IL4I1: variants seen among roughly 807,000 people sequenced by gnomAD.
IL4I1 encodes the protein L-amino-acid oxidase.
IL4I1 carries 24 observed loss-of-function variants against 29.7 expected under a neutral mutation model. The ratio of observed to expected loss-of-function variants is 0.81; its 90% CI spans 0.59 to 1.14. The LOEUF (loss-of-function observed/expected upper bound fraction) is 1.14, where lower values mean the gene tolerates loss of function less well. Ranked by LOEUF, IL4I1 falls within the 50% of genes most tolerant of loss-of-function variation. The pLI, the probability that IL4I1 is intolerant of heterozygous loss-of-function variation, is 0.00. For synonymous variants in IL4I1, 371 were observed against 352.5 expected, an observed-to-expected ratio of 1.05 and a Z score of -0.59; for missense variants, 686 against 785.6, an observed-to-expected ratio of 0.87 and a Z score of 1.52.
intron 2 of IL4I1, among the ~76,000 whole-genome samples, chr19:49,912,272 C>T (rs186358510): frequency 1.4e-4 from 21 of 149,772 alleles, no homozygotes; most frequent in Middle Eastern, 3.4e-3. Flanking sequence ...CGGGTTCAAG[C>T]GATTCTCTCG....
intron 2 of IL4I1, among the ~76,000 whole-genome samples, chr19:49,923,500 G>A (rs1276154088): frequency 4.6e-5 from 7 of 152,272 alleles, no homozygotes; most frequent in East Asian, 3.9e-4. Context: ...ATCTGCACAC[G>A]GCGGATCTGA....
Position 49,891,059 on chromosome 19 carries a change from G to C in IL4I1, c.685C>G (p.Leu229Val). The C allele has an allele frequency of 1.9e-6, 3 of 1,613,424 alleles. No homozygotes were observed. Among genetic ancestry groups the C allele is most frequent in the Non-Finnish European group, 1.7e-6 (2 of 1,179,922 alleles). Residue 229 changes from leucine (L) to valine (V), a missense_variant, in exon 7 of 8, where the codon CTG becomes GTG. Coordinates refer to ENST00000391826, the MANE Select transcript of IL4I1 (RefSeq NM_152899.2). The part of the protein sequence containing the change: ...GNLSRPAVQL[L>V]GDVMSEDGFF... Reference sequence around the variant, plus strand: ...CCATCCTCGGACATCACGTCTCCCAGAAGCTGCACGGCCGGCCGGCTCAGG... The same window carrying C: ...CCATCCTCGGACATCACGTCTCCCACAAGCTGCACGGCCGGCCGGCTCAGG...
chr19:49,916,172 GC>G (rs200707820), intron 2 of IL4I1, among the ~76,000 whole-genome samples: 140 of 152,282 alleles, frequency 9.2e-4, no homozygotes, highest in African/African-American at 3.1e-3. Flanking sequence ...GCTTTCCAGG[GC>G]CAAGTCTTGA....
upstream of IL4I1, among the ~76,000 whole-genome samples, chr19:49,900,132 C>T (rs1054679918): frequency 3.3e-5 from 5 of 152,142 alleles, no homozygotes; most frequent in Admixed American, 6.5e-5. Flanking sequence ...CCACTATGCC[C>T]GGCCCCTTTG....
chr19:49,901,308 T>A (rs1388430595), upstream of IL4I1, among the ~76,000 whole-genome samples: 1 of 152,158 alleles, frequency 6.6e-6, no homozygotes, highest in African/African-American at 2.4e-5. Flanking sequence ...CGCTCGAGCC[T>A]GGGAGGCAGA....
rs758314094 is a variant in IL4I1, at chr19:49,925,961, A to G, written c.-228+1733T>C. Among the ~76,000 whole-genome samples, 3 of 152,208 alleles carry G rather than the reference A, an allele frequency of 2.0e-5. No homozygotes were observed. The South Asian group carries it at 6.2e-4, about 31-fold the overall frequency. The stretch of plus-strand genomic sequence containing the variant: ...TACGGTGGCTCACACCTGTAATCCC[A>G]GCACTTTGGGAGGCTGAGGCAGGCA... On this transcript the variant is annotated intron_variant, in intron 2 of 9. Coordinates refer to the IL4I1 transcript ENST00000341114.
rs755277180 is a variant in IL4I1 at position 49,908,957 on chromosome 19, C to CTGGTGG, written c.-227-4637_-227-4636insCCACCA. On this transcript the variant is annotated intron_variant, in intron 2 of 9. Coordinates refer to the IL4I1 transcript ENST00000341114. ...CAAGGCAAAGCCGGTGGTGCTGCTG[C>CTGGTGG]TGCTGGTGGTGGTGGCGGTGGCGGT... The CTGGTGG allele has an allele frequency of 7.6e-5, 122 of 1,609,454 alleles. No individual in the cohort carries two copies. The East Asian group carries it at 2.6e-3, about 34-fold the overall frequency.
At chr19:49,910,111 C>G (rs1179581287) in intron 2 of IL4I1, among the ~76,000 whole-genome samples, 1 of 152,118 alleles carries the variant, frequency 6.6e-6, no homozygotes, top group Non-Finnish European at 1.5e-5. Context: ...CCATGTTCAG[C>G]CCAGTGGAAA....
At chr19:49,906,355 C>T (rs545696013) in intron 2 of IL4I1, among the ~76,000 whole-genome samples, 3 of 152,222 alleles carry the variant, frequency 2.0e-5, no homozygotes, top group East Asian at 1.9e-4. Flanking sequence ...ACCACAGTTG[C>T]GTGCCACCAC....
intron 2 of IL4I1, among the ~76,000 whole-genome samples, chr19:49,918,241 T>A (rs1384594932): frequency 2.0e-5 from 3 of 152,098 alleles, no homozygotes; most frequent in African/African-American, 7.2e-5. Context: ...AATATTCGAT[T>A]TTTTGTAGAG....
rs1295842917 is a variant in IL4I1, at chr19:49,890,459, G to C, written c.915C>G (p.Pro305=). 4 of 1,612,016 alleles carry C rather than the reference G, an allele frequency of 2.5e-6. No individual in the cohort carries two copies. The South Asian group carries it at 4.4e-5, about 18-fold the overall frequency. ...TCAGCACCTTCAGATTCCGCGCCGGGGGAGAGGTCTCGATCTGCACGTGCA... is the reference window on the plus strand; with the variant it reads ...TCAGCACCTTCAGATTCCGCGCCGGCGGAGAGGTCTCGATCTGCACGTGCA... ...HDVHVQIETS[P]PARNLKVLKA... Residue 305 remains proline (P), a synonymous_variant, in exon 8 of 8, where the codon CCC becomes CCG. Transcript: ENST00000391826.
At position 49,909,437 on chromosome 19, in the gene IL4I1, G is replaced by C; in HGVS notation, c.-227-5116C>G. 6.2e-7 allele frequency: 1 copy of C among 1,614,028 alleles called. No individual in the cohort carries two copies. The highest frequency in any genetic ancestry group is 8.5e-7 in the Non-Finnish European group (1 of 1,180,030). The stretch of plus-strand genomic sequence containing the variant: ...GCTGGAGGTGACGGTGCTCGATATG[G>C]CATTAGTGAGGTTGCTGCTGCCCAG... On this transcript the variant is annotated intron_variant, in intron 2 of 9. Coordinates refer to the IL4I1 transcript ENST00000341114.
Position 49,894,400 on chromosome 19 carries a change from C to T in IL4I1, c.435G>A (p.Thr145=), listed in dbSNP as rs565836212. The T allele has an allele frequency of 5.3e-5, 85 of 1,614,236 alleles. No homozygotes were observed. In the South Asian group the frequency reaches 7.5e-4, roughly 14 times the overall value. Residue 145 remains threonine (T), a synonymous_variant, in exon 5 of 8, where the codon ACG becomes ACA. Transcript: ENST00000391826. ...GCTTCACTTCGTGCACCTCCGTCCA[C>T]GTGTTCTTGTCGTACTGGGTGAACT... The part of the protein sequence containing the change: ...LTKFTQYDKN[T]WTEVHEVKLR...
At chr19:49,902,088 C>T (rs1478206128) in intron 3 of IL4I1, among the ~76,000 whole-genome samples, 2 of 151,626 alleles carry the variant, frequency 1.3e-5, no homozygotes, top group Non-Finnish European at 2.9e-5. Context: ...CAACCTCCAC[C>T]TCCTGGGTTC....
At chr19:49,895,758 G>A in intron 3 of IL4I1, 57 bp downstream of exon 3, 1 of 1,195,760 alleles carries the variant, frequency 8.4e-7, no homozygotes, top group Non-Finnish European at 1.2e-6. Context: ...CCTGTGCCCA[G>A]GGACTCCAGC....
At chr19:49,926,508 C>T (rs548498179) in intron 2 of IL4I1, among the ~76,000 whole-genome samples, 20 of 151,682 alleles carry the variant, frequency 1.3e-4, no homozygotes, top group East Asian at 3.9e-4. Flanking sequence ...CCAGCCTGGG[C>T]GACACAGCAA....
Position 49,889,791 on chromosome 19 carries a change from C to A in IL4I1, c.1583G>T (p.Gly528Val), listed in dbSNP as rs150899760. 6.5e-7 allele frequency: 1 copy of A among 1,540,574 alleles called. No homozygotes were observed. The change falls in exon 8 of 8, where the codon GGG (glycine) becomes GTG (valine). Residue 528 changes from glycine to valine, a missense_variant. By Grantham distance (109) the Gly-to-Val change is moderately radical. Coordinates refer to ENST00000391826, the MANE Select transcript of IL4I1 (RefSeq NM_152899.2). ...EGHASDMEGQGHVHGVASSPS... is the reference protein window; with the variant it reads ...EGHASDMEGQVHVHGVASSPS... ...GCTGCTGGCCACCCCATGCACATGC[C>A]CCTGCCCCTCCATGTCAGATGCGTG...
chr19:49,916,028 C>T (rs1328442144), intron 2 of IL4I1, among the ~76,000 whole-genome samples: 1 of 152,230 alleles, frequency 6.6e-6, no homozygotes, highest in African/African-American at 2.4e-5. Context: ...CAACCATTTA[C>T]TAGGGACCTA....
chr19:49,918,675 C>T (rs912819943), intron 2 of IL4I1: 1 of 152,206 alleles, frequency 6.6e-6, no homozygotes, highest in African/African-American at 2.4e-5. Context: ...GTCAGCTCCT[C>T]GGGGGAGAAG....
Sources: allele counts gnomAD v4.1 joint callset (sites outside exome capture counted in the v4.1 genomes callset), GRCh38; gene constraint gnomAD v4.1.1; transcripts MANE v1.5; gene names NCBI Gene and HGNC (gene_info 2026-07-23, HGNC 2026-07-21).